CALN1: variants seen among roughly 807,000 people sequenced by gnomAD.
CALN1 encodes the protein calcium-binding protein 8.
CALN1 carries 17 observed loss-of-function variants against 30.6 expected under a neutral mutation model. That is an observed-to-expected ratio of 0.56 (90% CI 0.38 to 0.83). The LOEUF is 0.83. Ranked by LOEUF, CALN1 falls within the 40% of genes least tolerant of loss-of-function variation. The pLI, the probability that CALN1 is intolerant of heterozygous loss-of-function variation, is 0.00. For missense variants in CALN1, 291 were observed against 354.9 expected, an observed-to-expected ratio of 0.82 and a Z score of 1.45; for synonymous variants, 156 against 131.4, an observed-to-expected ratio of 1.19 and a Z score of -1.28.
chr7:71,892,523 C>T (rs940366157), intron 5 of CALN1, among the ~76,000 whole-genome samples: 1 of 152,050 alleles, frequency 6.6e-6, no homozygotes, highest in Admixed American at 6.6e-5. Flanking sequence ...CTGTAATCCC[C>T]GCTACTCAGG....
chr7:72,077,264 A>T (rs1281351697), intron 4 of CALN1, among the ~76,000 whole-genome samples: 1 of 151,100 alleles, frequency 6.6e-6, no homozygotes, highest in Non-Finnish European at 1.5e-5. Flanking sequence ...AAGAAGGAAT[A>T]TTTATTTTAT....
At chr7:71,867,924 T>C (rs1217864742) in intron 5 of CALN1, among the ~76,000 whole-genome samples, 2 of 152,226 alleles carry the variant, frequency 1.3e-5, no homozygotes, top group Non-Finnish European at 2.9e-5. Context: ...ATGAGGACTA[T>C]TTACATATTA....
chr7:72,365,461 T>C (rs1424809927), intron 2 of CALN1, among the ~76,000 whole-genome samples: 3 of 152,150 alleles, frequency 2.0e-5, no homozygotes. Flanking sequence ...ATGTTTATTT[T>C]TTGAATAGGG....
intron 5 of CALN1, among the ~76,000 whole-genome samples, chr7:71,880,678 T>G (rs1024186821): frequency 4.6e-5 from 7 of 152,214 alleles, no homozygotes; most frequent in African/African-American, 1.7e-4. Context: ...ATGTAGTTCT[T>G]AAGCCCTCTC....
chr7:71,976,270 C>T (rs762835548), intron 5 of CALN1, among the ~76,000 whole-genome samples: 1 of 152,084 alleles, frequency 6.6e-6, no homozygotes, highest in African/African-American at 2.4e-5. Context: ...ACGTAACATC[C>T]CCAAGCAGGG....
chr7:72,371,581 G>A (rs774054485), intron 2 of CALN1, among the ~76,000 whole-genome samples: 1 of 152,182 alleles, frequency 6.6e-6, no homozygotes, highest in Non-Finnish European at 1.5e-5. Flanking sequence ...CAGACATGTG[G>A]AACTGTGAGT....
At chr7:71,872,411 T>A (rs569564327) in intron 5 of CALN1, among the ~76,000 whole-genome samples, 27 of 152,304 alleles carry the variant, frequency 1.8e-4, no homozygotes, top group African/African-American at 6.5e-4. Context: ...AGTACCAGAA[T>A]GTATTGTTTC....
intron 2 of CALN1, among the ~76,000 whole-genome samples, chr7:72,371,524 G>A (rs141029682): frequency 2.6e-5 from 4 of 152,218 alleles, no homozygotes; most frequent in African/African-American, 9.6e-5. Flanking sequence ...TGTGAAGAAG[G>A]ACGTGTTTGC....
intron 2 of CALN1, among the ~76,000 whole-genome samples, chr7:72,364,384 A>G (rs1192032658): frequency 1.3e-5 from 2 of 152,238 alleles, no homozygotes; most frequent in Non-Finnish European, 2.9e-5. Flanking sequence ...TATCTACAGG[A>G]ATTACAACTA....
At position 72,336,694 on chromosome 7, in the gene CALN1, C is replaced by T. The variant is rs545445374; in HGVS notation, c.120-57884G>A. On this transcript the variant is annotated intron_variant, in intron 2 of 6. Coordinates refer to ENST00000395275, the MANE Select transcript of CALN1 (RefSeq NM_031468.4). ...CGCGGGTAAGCTAGGGAGCCGGCGG[C>T]GGCACTCACCTCTTGCTGGGCCGGG... is the stretch of plus-strand genomic sequence containing the variant. 15 of 985,416 alleles carry T rather than the reference C, an allele frequency of 1.5e-5. No homozygotes were observed. In the East Asian group the frequency reaches 4.6e-4, roughly 30 times the overall value. 61.0% of individuals were successfully genotyped at this position (985,416 alleles called of 1,614,324 possible).
chr7:71,988,109 T>C (rs930883795), intron 5 of CALN1, among the ~76,000 whole-genome samples: 2 of 152,274 alleles, frequency 1.3e-5, no homozygotes, highest in South Asian at 2.1e-4. Flanking sequence ...ATCATCATCA[T>C]CACCACCATC....
At chr7:72,171,951 C>G (rs1480852957) in intron 3 of CALN1, among the ~76,000 whole-genome samples, 2 of 152,124 alleles carry the variant, frequency 1.3e-5, no homozygotes, top group Admixed American at 6.5e-5. Context: ...GATCACAGGT[C>G]ATGTAGCGAT....
intron 2 of CALN1, among the ~76,000 whole-genome samples, chr7:72,341,990 A>C (rs963531404): frequency 6.6e-6 from 1 of 151,944 alleles, no homozygotes; most frequent in Non-Finnish European, 1.5e-5. Flanking sequence ...AGTGGCTCAC[A>C]CTTGTAATAC....
At chr7:72,080,163 C>T (rs1250562065) in intron 4 of CALN1, among the ~76,000 whole-genome samples, 2 of 152,198 alleles carry the variant, frequency 1.3e-5, no homozygotes, top group African/African-American at 4.8e-5. Flanking sequence ...TATGAAATGC[C>T]ATGAACCCAA....
At chr7:72,427,220 C>A (rs1807824999) in intron 1 of CALN1, among the ~76,000 whole-genome samples, 2 of 152,196 alleles carry the variant, frequency 1.3e-5, no homozygotes, top group Admixed American at 6.5e-5. Context: ...AAGCCACCCT[C>A]CCACCTTGGC....
chr7:71,907,619 A>C (rs1175438270), intron 5 of CALN1, among the ~76,000 whole-genome samples: 1 of 152,202 alleles, frequency 6.6e-6, no homozygotes, highest in East Asian at 1.9e-4. Flanking sequence ...TAAAAGCGAT[A>C]ATACCTACTT....
In CALN1 at chr7:71,976,634, C is replaced by T. The variant is rs113783535; in HGVS notation, c.501+47023G>A. On this transcript the variant is annotated intron_variant, in intron 5 of 6. Coordinates refer to ENST00000395275, the MANE Select transcript of CALN1 (RefSeq NM_031468.4). Reference sequence around the variant, plus strand: ...AATGGATAGGCTGCTTGAAAGGCTGCGTGCAGTGACTCACGCTGAAACTGT... The same window carrying T: ...AATGGATAGGCTGCTTGAAAGGCTGTGTGCAGTGACTCACGCTGAAACTGT... Among the ~76,000 whole-genome samples the T allele has an allele frequency of 2.2e-3, 329 of 152,240 alleles. 1 individual carries two copies. The highest frequency in any genetic ancestry group is 0.01 in the Middle Eastern group (3 of 294).
the CALN1 span, among the ~76,000 whole-genome samples, chr7:72,458,813 T>C: frequency 7.6e-6 from 1 of 132,326 alleles, no homozygotes; most frequent in Non-Finnish European, 1.5e-5. Context: ...TAATATATTG[T>C]ATTTAATATA....
At chr7:72,249,044 G>T (rs753734468) in intron 3 of CALN1, among the ~76,000 whole-genome samples, 10 of 152,142 alleles carry the variant, frequency 6.6e-5, no homozygotes, top group Non-Finnish European at 1.2e-4. Flanking sequence ...GATGGATCAC[G>T]AATTTCTTCA....
Sources: gnomAD v4.1 joint callset for allele counts (sites outside exome capture counted in the v4.1 genomes callset) on GRCh38, gnomAD v4.1.1 for gene constraint, MANE v1.5 for transcripts, NCBI Gene and HGNC (gene_info 2026-07-23, HGNC 2026-07-21) for gene names.